Variants in GSE1 observed in about 807,000 individuals in gnomAD.
The protein encoded by GSE1 is Gse1 coiled-coil protein, also known as genetic suppressor element 1.
In GSE1, 32 loss-of-function variants were observed where a neutral mutation model predicts 112.6. That is an observed-to-expected ratio of 0.28 (90% CI 0.21 to 0.38). GSE1 has a LOEUF of 0.38. GSE1 is among the 10% of genes least tolerant of loss of function. GSE1 has a pLI of 1.00. For missense variants in GSE1, 2,348 were observed against 1,699.2 expected (o/e 1.38, Z -6.71); for synonymous variants, 1,115 against 735.6 (o/e 1.52, Z -8.35).
At chr16:85,330,446 C>A (rs546944903) in intron 1 of GSE1, among the ~76,000 whole-genome samples, 1 of 152,230 alleles carries the variant, frequency 6.6e-6, no homozygotes, top group Non-Finnish European at 1.5e-5. Context: ...AGACCCAAGT[C>A]GGATTTCTGA....
intron 2 of GSE1, among the ~76,000 whole-genome samples, chr16:85,437,033 G>A (rs1470325397): frequency 6.6e-6 from 1 of 152,204 alleles, no homozygotes; most frequent in East Asian, 1.9e-4. Flanking sequence ...AGCGACTTTT[G>A]GCCTCTGAGC....
chr16:85,551,046 C>T (rs1305639549), upstream of GSE1, among the ~76,000 whole-genome samples: 2 of 152,058 alleles, frequency 1.3e-5, no homozygotes, highest in Admixed American at 6.5e-5. Context: ...CAGGGAGGTG[C>T]GGGGTGAGTT....
intron 1 of GSE1, among the ~76,000 whole-genome samples, chr16:85,349,321 T>A (rs1190989326): frequency 6.6e-6 from 1 of 152,166 alleles, no homozygotes; most frequent in African/African-American, 2.4e-5. Context: ...ATACTGTTTT[T>A]GGCTTCTGAC....
chr16:85,317,786 C>T (rs1476292708), intron 1 of GSE1, among the ~76,000 whole-genome samples: 1 of 152,190 alleles, frequency 6.6e-6, no homozygotes, highest in Non-Finnish European at 1.5e-5. Flanking sequence ...CAGCACTCCC[C>T]TCCTAAGTGT....
intron 1 of GSE1, among the ~76,000 whole-genome samples, chr16:85,206,791 C>T (rs935517598): frequency 6.6e-5 from 10 of 152,106 alleles, no homozygotes; most frequent in East Asian, 1.9e-4. Context: ...GCTGGCCCCC[C>T]GCCAGGATGG....
At chr16:85,251,137 G>A (rs1294826341) in intron 1 of GSE1, among the ~76,000 whole-genome samples, 2 of 152,188 alleles carry the variant, frequency 1.3e-5, no homozygotes, top group Admixed American at 6.5e-5. Flanking sequence ...GTGGACGCGC[G>A]TCTCCATCCC....
intron 1 of GSE1, among the ~76,000 whole-genome samples, chr16:85,233,253 C>T (rs1463771945): frequency 6.6e-6 from 1 of 152,258 alleles, no homozygotes; most frequent in Non-Finnish European, 1.5e-5. Context: ...TCATTCATTG[C>T]ATCATTTCGT....
At chr16:85,654,165 C>T (rs1403888820) in intron 3 of GSE1, 113 bp from the exon 4 acceptor site, 1 of 969,210 alleles carries the variant, frequency 1.0e-6, no homozygotes, top group African/African-American at 1.6e-5. Context: ...AAGGATGTTT[C>T]TAGAACATGA....
At chr16:85,628,156 C>T (rs943583250) in intron 1 of GSE1, among the ~76,000 whole-genome samples, 9 of 152,288 alleles carry the variant, frequency 5.9e-5, no homozygotes, top group Non-Finnish European at 7.4e-5. Flanking sequence ...GAGCTGCGCC[C>T]GGCTGCTGCG....
At chr16:85,455,775 C>T (rs560468664) in intron 2 of GSE1, among the ~76,000 whole-genome samples, 1 of 152,348 alleles carries the variant, frequency 6.6e-6, no homozygotes, top group South Asian at 2.1e-4. Context: ...GAATGTGACC[C>T]ATCCACGTGC....
intron 2 of GSE1, among the ~76,000 whole-genome samples, chr16:85,502,372 C>A (rs190615235): frequency 1.8e-4 from 28 of 152,326 alleles, no homozygotes; most frequent in African/African-American, 6.7e-4. Flanking sequence ...TGAGCACCGT[C>A]AGCTCATCTG....
chr16:85,282,142 C>G (rs2044875458), intron 1 of GSE1, among the ~76,000 whole-genome samples: 1 of 152,080 alleles, frequency 6.6e-6, no homozygotes. Flanking sequence ...ATTCTCCTGC[C>G]TCAGCCTCTC....
At chr16:85,446,898 C>T (rs758984303) in intron 2 of GSE1, among the ~76,000 whole-genome samples, 40 of 152,170 alleles carry the variant, frequency 2.6e-4, no homozygotes, top group Non-Finnish European at 5.3e-4. Context: ...CTTCCGTTCC[C>T]TCTGCACGGG....
In GSE1 at chr16:85,293,854, A is replaced by G. The variant is rs183707134; in HGVS notation, c.2284-63609A>G. On this transcript the variant is annotated intron_variant, in intron 1 of 2. Coordinates refer to the GSE1 transcript ENST00000637419. ...TTCTACGGAGGACACCAGTCTTTGGATGGGGACCCACCTTAACCCAGCATG... is the reference window on the plus strand; with the variant it reads ...TTCTACGGAGGACACCAGTCTTTGGGTGGGGACCCACCTTAACCCAGCATG... Among the ~76,000 whole-genome samples, 444 of 152,166 alleles carry G rather than the reference A, an allele frequency of 2.9e-3. 4 individuals carry two copies. The highest frequency in any genetic ancestry group is 0.01 in the Middle Eastern group (3 of 294).
At chr16:85,643,860 T>G (rs11861038) in intron 2 of GSE1, among the ~76,000 whole-genome samples, 2,287 of 151,738 alleles carry the variant, frequency 0.015, 58 homozygotes, top group African/African-American at 0.053. Context: ...GGAGCCCGGA[T>G]CATGAGCTCT....
intron 1 of GSE1, among the ~76,000 whole-genome samples, chr16:85,339,702 A>G (rs1400424077): frequency 6.6e-6 from 1 of 152,138 alleles, no homozygotes; most frequent in Admixed American, 6.6e-5. Flanking sequence ...TTCTCTTTAA[A>G]AAAATGACTC....
chr16:85,635,366 C>T (rs552391873), intron 2 of GSE1, among the ~76,000 whole-genome samples: 3 of 152,310 alleles, frequency 2.0e-5, no homozygotes, highest in East Asian at 1.9e-4. Flanking sequence ...GAAAACCCTC[C>T]ACGCCCTTGG....
Position 85,336,127 on chromosome 16 carries a change from C to G in GSE1, c.2284-21336C>G, listed in dbSNP as rs528278383. The stretch of plus-strand genomic sequence containing the variant: ...GTCCTCCTGGAAGCCTTGGTGAGGA[C>G]CCGGCTGCAGTTCTGCAGGACTCCA... On this transcript the variant is annotated intron_variant, in intron 1 of 2. Coordinates refer to the GSE1 transcript ENST00000637419. Among the ~76,000 whole-genome samples, 3 of 152,270 alleles carry G rather than the reference C, an allele frequency of 2.0e-5. No individual in the cohort carries two copies. The South Asian group carries it at 6.2e-4, about 32-fold the overall frequency.
chr16:85,523,870 C>T (rs530767133), intron 2 of GSE1, among the ~76,000 whole-genome samples: 91 of 152,310 alleles, frequency 6.0e-4, no homozygotes, highest in African/African-American at 2.0e-3. Context: ...GGCAGTGCTG[C>T]GGGAGGCGGG....
Sources: gnomAD v4.1 joint callset for allele counts (sites outside exome capture counted in the v4.1 genomes callset) on GRCh38, gnomAD v4.1.1 for gene constraint, MANE v1.5 for transcripts, NCBI Gene and HGNC (gene_info 2026-07-23, HGNC 2026-07-21) for gene names.